Variants in CFAP47 observed in about 807,000 individuals in gnomAD.
The protein encoded by CFAP47 is cilia- and flagella-associated protein 47.
A neutral mutation model predicts 148.1 loss-of-function variants in CFAP47; 29 were observed. That is an observed-to-expected ratio of 0.20 (90% CI 0.15 to 0.27). The LOEUF (loss-of-function observed/expected upper bound fraction) is 0.27. Among genes scored for constraint, CFAP47 ranks in the 10% least tolerant of loss-of-function variants. The pLI is 1.00. For synonymous variants in CFAP47, 664 were observed against 577.3 expected, an observed-to-expected ratio of 1.15 and a Z score of -2.15; for missense variants, 1,872 against 1,697.5, an observed-to-expected ratio of 1.10 and a Z score of -1.81.
rs766491217 is a variant in CFAP47 at position 36,136,172 on chromosome X, G to A, written c.5321-1786G>A. ...ATTCTGTGGTCCTGAGTTGTGATTGGTGGAGTGGGAAATAACAGGATAACA... is the reference window on the plus strand; with the variant it reads ...ATTCTGTGGTCCTGAGTTGTGATTGATGGAGTGGGAAATAACAGGATAACA... On this transcript the variant is annotated intron_variant, in intron 33 of 63. Coordinates refer to ENST00000378653, the MANE Select transcript of CFAP47 (RefSeq NM_001304548.2). 5.6e-5 allele frequency among the ~76,000 whole-genome samples: 6 copies of A among 108,092 alleles called. No individual in the cohort carries two copies. The South Asian group carries it at 2.6e-3, about 47-fold the overall frequency. 93.9% of individuals were successfully genotyped at this position (108,092 alleles called of 115,157 possible).
intron 15 of CFAP47, among the ~76,000 whole-genome samples, chrX:35,984,583 G>A (rs767743449): frequency 9.0e-6 from 1 of 111,375 alleles, no homozygotes; most frequent in South Asian, 3.8e-4. Flanking sequence ...TTCAATGTGG[G>A]TGTTTAGCAC....
intron 35 of CFAP47, among the ~76,000 whole-genome samples, chrX:36,143,388 C>T (rs1200497312): frequency 8.9e-6 from 1 of 111,916 alleles, no homozygotes. Flanking sequence ...GAATCAAGTG[C>T]CTTAGTTCCA....
At chrX:36,184,960 T>C (rs902179900) in intron 40 of CFAP47, among the ~76,000 whole-genome samples, 3 of 110,325 alleles carry the variant, frequency 2.7e-5, no homozygotes, top group Non-Finnish European at 5.7e-5. Flanking sequence ...GAAAGCTGGA[T>C]TCTGGAGACT....
intron 40 of CFAP47, among the ~76,000 whole-genome samples, chrX:36,183,745 A>G (rs1939776206): frequency 8.9e-6 from 1 of 111,955 alleles, no homozygotes; most frequent in South Asian, 3.7e-4. Flanking sequence ...GACATGATCC[A>G]TGAGCATAAT....
chrX:36,186,776 C>T (rs1013352167), intron 40 of CFAP47, among the ~76,000 whole-genome samples: 42 of 111,226 alleles, frequency 3.8e-4, no homozygotes, highest in African/African-American at 1.3e-3. Flanking sequence ...ATTACCCCTT[C>T]ACACCTCAAA....
chrX:36,154,835 C>T (rs1353329789), intron 37 of CFAP47, among the ~76,000 whole-genome samples: 1 of 109,035 alleles, frequency 9.2e-6, no homozygotes, highest in Non-Finnish European at 1.9e-5. Context: ...TCAATTCTTC[C>T]AGCCCCTACC....
intron 33 of CFAP47, among the ~76,000 whole-genome samples, chrX:36,128,318 T>C (rs1938882747): frequency 1.8e-5 from 2 of 111,361 alleles, no homozygotes; most frequent in East Asian, 2.8e-4. Flanking sequence ...CACTATGTTA[T>C]GCCTATAAAG....
chrX:36,004,301 C>T (rs915704156), intron 21 of CFAP47, among the ~76,000 whole-genome samples: 1 of 110,866 alleles, frequency 9.0e-6, no homozygotes, highest in Non-Finnish European at 1.9e-5. Context: ...TTTTTATACA[C>T]CAACGACCAA....
intron 49 of CFAP47, among the ~76,000 whole-genome samples, chrX:36,261,801 G>A (rs1471205218): frequency 2.7e-5 from 3 of 111,155 alleles, no homozygotes; most frequent in African/African-American, 6.6e-5. Context: ...CCGCAAAACC[G>A]CCATCGTCAT....
intron 21 of CFAP47, among the ~76,000 whole-genome samples, chrX:36,011,270 C>A (rs1433425365): frequency 9.0e-6 from 1 of 111,672 alleles, no homozygotes; most frequent in African/African-American, 3.3e-5. Context: ...ACTTCTTCAG[C>A]AGTTAGCGAG....
intron 42 of CFAP47, among the ~76,000 whole-genome samples, chrX:36,190,706 A>C (rs1174119100): frequency 9.0e-6 from 1 of 111,362 alleles, no homozygotes; most frequent in Non-Finnish European, 1.9e-5. Flanking sequence ...TGCCACCTAC[A>C]CTTTCAAAAC....
chrX:36,024,585 T>C (rs1937194726), intron 22 of CFAP47, among the ~76,000 whole-genome samples: 1 of 111,375 alleles, frequency 9.0e-6, no homozygotes, highest in Non-Finnish European at 1.9e-5. Context: ...GCACTTTATT[T>C]TGAGGTGGCG....
chrX:36,253,182 A>T (rs1940713008), intron 49 of CFAP47, among the ~76,000 whole-genome samples: 1 of 112,086 alleles, frequency 8.9e-6, no homozygotes, highest in African/African-American at 3.2e-5. Flanking sequence ...AATGCAGCGC[A>T]GGATACATTG....
chrX:36,025,131 T>TA (rs769300591), intron 22 of CFAP47, among the ~76,000 whole-genome samples: 1 of 111,951 alleles, frequency 8.9e-6, no homozygotes. Flanking sequence ...TTCTTGTTAA[T>TA]ATAAATATTG....
intron 49 of CFAP47, among the ~76,000 whole-genome samples, chrX:36,265,459 G>A (rs782440978): frequency 8.9e-6 from 1 of 111,797 alleles, no homozygotes; most frequent in East Asian, 2.8e-4. Context: ...GGAGTAGTGT[G>A]AGTGGACGTC....
At chrX:36,194,570 G>A (rs781861869) in intron 42 of CFAP47, among the ~76,000 whole-genome samples, 4 of 111,839 alleles carry the variant, frequency 3.6e-5, no homozygotes, top group East Asian at 5.6e-4. Context: ...ATGGTTCTGC[G>A]GGCTGTATAG....
At chrX:36,110,187 C>T (rs774686613) in intron 33 of CFAP47, among the ~76,000 whole-genome samples, 1 of 111,641 alleles carries the variant, frequency 9.0e-6, no homozygotes, top group Non-Finnish European at 1.9e-5. Context: ...AATTTTTTCT[C>T]ATTTCTACAT....
intron 39 of CFAP47, among the ~76,000 whole-genome samples, chrX:36,171,724 G>A (rs1450719964): frequency 8.9e-6 from 1 of 111,766 alleles, no homozygotes; most frequent in African/African-American, 3.3e-5. Flanking sequence ...TTTGAAGTCA[G>A]GTAGTGTGAT....
At chrX:35,958,994 T>C (rs1936284573) in intron 8 of CFAP47, among the ~76,000 whole-genome samples, 1 of 111,399 alleles carries the variant, frequency 9.0e-6, no homozygotes, top group Admixed American at 9.5e-5. Context: ...GTGGGGTGCA[T>C]AAGTTGAGGA....
Sources: gnomAD v4.1 joint callset for allele counts (sites outside exome capture counted in the v4.1 genomes callset) on GRCh38, gnomAD v4.1.1 for gene constraint, MANE v1.5 for transcripts, NCBI Gene and HGNC (gene_info 2026-07-23, HGNC 2026-07-21) for gene names.